USH2A: variants seen among roughly 807,000 people sequenced by gnomAD.
USH2A encodes the protein usherin.
In USH2A, 443 loss-of-function variants were observed where a neutral mutation model predicts 538.9. The ratio of observed to expected loss-of-function variants is 0.82; its 90% CI spans 0.76 to 0.89. USH2A has a LOEUF of 0.89. Among genes scored for constraint, USH2A ranks in the 40% least tolerant of loss-of-function variants. The probability of loss-of-function intolerance (pLI) is 0.00; values close to 1 mark genes in which losing one functional copy is unlikely to be tolerated. For missense variants in USH2A, 6,633 were observed against 6,324.8 expected (o/e 1.05, Z -1.65); for synonymous variants, 2,413 against 2,273.5 (o/e 1.06, Z -1.75).
At chr1:216,415,555 G>A (rs11117571) in intron 3 of USH2A, among the ~76,000 whole-genome samples, 86,289 of 137,052 alleles carry the variant, frequency 0.63, 27,005 homozygotes, top group East Asian at 0.81. Flanking sequence ...TTGCTCTTTC[G>A]CCCAGGCTGG....
intron 50 of USH2A, among the ~76,000 whole-genome samples, chr1:215,792,445 A>G (rs1438377182): frequency 6.6e-6 from 1 of 152,184 alleles, no homozygotes; most frequent in Admixed American, 6.6e-5. Flanking sequence ...ATTGCTAATT[A>G]CTTAATACCC....
intron 4 of USH2A, among the ~76,000 whole-genome samples, chr1:216,342,685 C>A (rs2038097748): frequency 6.6e-6 from 1 of 152,004 alleles, no homozygotes; most frequent in Non-Finnish European, 1.5e-5. Context: ...ATGTCTTTTG[C>A]AGAAACTCTG....
At chr1:216,238,392 C>T (rs1218578481) in intron 13 of USH2A, among the ~76,000 whole-genome samples, 1 of 152,106 alleles carries the variant, frequency 6.6e-6, no homozygotes. Flanking sequence ...TACTGCTGAA[C>T]ATTATAAGGT....
intron 46 of USH2A, among the ~76,000 whole-genome samples, chr1:215,842,011 T>C (rs904026923): frequency 1.3e-5 from 2 of 152,112 alleles, no homozygotes; most frequent in Non-Finnish European, 2.9e-5. Flanking sequence ...AAAAGGGACA[T>C]ATAAAGGGAT....
intron 21 of USH2A, among the ~76,000 whole-genome samples, chr1:216,142,887 C>T (rs554386274): frequency 6.6e-6 from 1 of 152,042 alleles, no homozygotes; most frequent in South Asian, 2.1e-4. Flanking sequence ...AATTTCCCCC[C>T]ACGTGTTTTA....
chr1:216,012,863 C>T (rs1345135875), intron 32 of USH2A, among the ~76,000 whole-genome samples: 1 of 152,088 alleles, frequency 6.6e-6, no homozygotes, highest in East Asian at 1.9e-4. Flanking sequence ...AGACACCAGA[C>T]CAACTTAGAC....
At chr1:216,216,249 T>C (rs1018943836) in intron 15 of USH2A, among the ~76,000 whole-genome samples, 3 of 152,116 alleles carry the variant, frequency 2.0e-5, no homozygotes, top group Non-Finnish European at 2.9e-5. Flanking sequence ...AAAAGAAGCA[T>C]AAATACCTAC....
intron 35 of USH2A, among the ~76,000 whole-genome samples, chr1:215,974,674 G>A (rs1028270337): frequency 6.6e-6 from 1 of 151,992 alleles, no homozygotes; most frequent in Admixed American, 6.6e-5. Context: ...TGATTTCAGG[G>A]TTTTTTCTGT....
At chr1:216,393,407 A>C (rs903015035) in intron 3 of USH2A, among the ~76,000 whole-genome samples, 1 of 152,214 alleles carries the variant, frequency 6.6e-6, no homozygotes, top group Non-Finnish European at 1.5e-5. Context: ...AAGGTACATA[A>C]GTAATTTGCA....
Position 216,321,872 on chromosome 1 carries a change from A to G in USH2A, c.1644+11T>C. On this transcript the variant is annotated intron_variant, in intron 9 of 71. Coordinates refer to ENST00000307340, the MANE Select transcript of USH2A (RefSeq NM_206933.4). ...TTTTTTTTAGATTTCCATGCATAAA[A>G]TAGAACTCACATGAAGTCCTTCAGT... The G allele has an allele frequency of 1.2e-6, 2 of 1,611,844 alleles. No homozygotes were observed. Among genetic ancestry groups the G allele is most frequent in the East Asian group, 4.5e-5 (2 of 44,832 alleles).
At chr1:216,239,292 G>C (rs2035889277) in intron 13 of USH2A, among the ~76,000 whole-genome samples, 1 of 152,028 alleles carries the variant, frequency 6.6e-6, no homozygotes, top group South Asian at 2.1e-4. Flanking sequence ...CATTTGCAAG[G>C]TTGAACACAA....
chr1:215,653,040 A>G (rs1657130081), intron 64 of USH2A, among the ~76,000 whole-genome samples: 1 of 152,238 alleles, frequency 6.6e-6, no homozygotes, highest in Non-Finnish European at 1.5e-5. Context: ...AGCATAATTC[A>G]TAGCAAGTGC....
At chr1:215,981,368 TTATAG>T in intron 35 of USH2A, among the ~76,000 whole-genome samples, 1 of 152,252 alleles carries the variant, frequency 6.6e-6, no homozygotes, top group South Asian at 2.1e-4. Flanking sequence ...TTGTGGGCCC[TTATAG>T]TATATTTTGA....
At chr1:216,250,463 T>C (rs1248452484) in intron 12 of USH2A, among the ~76,000 whole-genome samples, 1 of 152,182 alleles carries the variant, frequency 6.6e-6, no homozygotes, top group African/African-American at 2.4e-5. Context: ...TGGAAAGATT[T>C]ATCACAAAGG....
chr1:216,148,908 T>C (rs933598657), intron 21 of USH2A, among the ~76,000 whole-genome samples: 80 of 151,702 alleles, frequency 5.3e-4, no homozygotes, highest in African/African-American at 1.8e-3. Flanking sequence ...GCTGTACTGC[T>C]GCAAAGCTTC....
chr1:215,659,669 A>G lies in USH2A; in HGVS notation c.14134-8868T>C, dbSNP rs183775614. On this transcript the variant is annotated intron_variant, in intron 64 of 71. Coordinates refer to ENST00000307340, the MANE Select transcript of USH2A (RefSeq NM_206933.4). ...GTTGTTGTTTGTTTTTTTAATCTCA[A>G]TTTTACAGATAAGAAAACTGAGGTT... 5.3e-5 allele frequency among the ~76,000 whole-genome samples: 8 copies of G among 152,122 alleles called. No individual in the cohort carries two copies. In the South Asian group the frequency reaches 8.3e-4, roughly 16 times the overall value.
intron 40 of USH2A, among the ~76,000 whole-genome samples, chr1:215,893,011 G>A (rs1050901551): frequency 2.0e-5 from 3 of 152,212 alleles, no homozygotes; most frequent in East Asian, 1.9e-4. Flanking sequence ...ATGCATCTGC[G>A]ATAATTTGGT....
rs1312719294 is a variant in USH2A at position 215,993,139 on chromosome 1, C to T, written c.6686G>A (p.Ser2229Asn). The T allele has an allele frequency of 6.2e-7, 1 of 1,613,922 alleles. No homozygotes were observed. The highest frequency in any genetic ancestry group is 8.5e-7 in the Non-Finnish European group (1 of 1,179,978). The change falls in exon 35 of 72, where the codon AGT becomes AAT. Residue 2229 changes from serine to asparagine, a missense_variant. Physicochemically the swap from Ser to Asn is conservative, Grantham distance 46. Coordinates refer to ENST00000307340, the MANE Select transcript of USH2A (RefSeq NM_206933.4). ...GTCAGTTAGGGCCTCACTGGCCTCA[C>T]TCACTGTGCACCCACCACCTGTGCA... Reference protein sequence around the residue: ...GACTGGGCTVSEASEALTDED... With the variant: ...GACTGGGCTVNEASEALTDED...
intron 66 of USH2A, 151 bp downstream of exon 66, chr1:215,648,377 A>G: frequency 1.3e-6 from 1 of 785,000 alleles, no homozygotes; most frequent in East Asian, 2.5e-5. Context: ...CTACTTTGCT[A>G]TAGATATCTG....
Sources: allele counts gnomAD v4.1 joint callset (sites outside exome capture counted in the v4.1 genomes callset), GRCh38; gene constraint gnomAD v4.1.1; transcripts MANE v1.5; gene names NCBI Gene and HGNC (gene_info 2026-07-23, HGNC 2026-07-21).